Variants in CDC42 observed in about 807,000 individuals in gnomAD.
The protein encoded by CDC42 is cell division cycle 42.
In CDC42, 1 loss-of-function variant was observed where a neutral mutation model predicts 20.8. That is an observed-to-expected ratio of 0.05 (90% CI 0.02 to 0.23). The LOEUF (loss-of-function observed/expected upper bound fraction) is 0.23, where lower values mean the gene tolerates loss of function less well. CDC42 is among the 10% of genes least tolerant of loss of function. The pLI, the probability that CDC42 is intolerant of heterozygous loss-of-function variation, is 1.00. For synonymous variants in CDC42, 72 were observed against 84.8 expected (o/e 0.85, Z 0.83); for missense variants, 49 against 227.9 (o/e 0.21, Z 5.05).
In CDC42 at chr1:22,097,898, A is replaced by C. The variant is rs1472717034; in HGVS notation, c.*6381A>C. On this transcript the variant is annotated 3_prime_UTR_variant, in exon 6 of 6. Transcript: ENST00000656825. ...CTCATAGGTGATTTCCCCAAAAGCA[A>C]ATAAATGCTCGATGGATTTTGGGTC... 6.6e-6 allele frequency among the ~76,000 whole-genome samples: 1 copy of C among 152,258 alleles called. No individual in the cohort carries two copies. The highest frequency in any genetic ancestry group is 1.5e-5 in the Non-Finnish European group (1 of 68,050).
intron 5 of CDC42, among the ~76,000 whole-genome samples, chr1:22,087,107 A>C (rs1645668670): frequency 6.6e-6 from 1 of 152,178 alleles, no homozygotes; most frequent in African/African-American, 2.4e-5. Flanking sequence ...CGTAGTGGTC[A>C]GGGTTGTGTT....
In CDC42 at chr1:22,095,183, G is replaced by C. The variant is rs1330197717; in HGVS notation, c.*3666G>C. ...TTTATGTCACACTTGTTTTCTGTAA[G>C]TCTTACTCTGTATCTACCCGACTTC... is the stretch of plus-strand genomic sequence containing the variant. On this transcript the variant is annotated 3_prime_UTR_variant, in exon 6 of 6. Transcript: ENST00000656825. Among the ~76,000 whole-genome samples the C allele has an allele frequency of 6.6e-6, 1 of 152,130 alleles. No individual in the cohort carries two copies. Among genetic ancestry groups the C allele is most frequent in the East Asian group, 1.9e-4 (1 of 5,192 alleles).
In CDC42 at chr1:22,061,528, C is replaced by CTTTTTTTTTTTTTTTTTTTTTTTTTT. The variant is rs1404317396; in HGVS notation, c.-51+8789_-51+8790insTTTTTTTTTTTTTTTTTTTTTTTTTT. Among the ~76,000 whole-genome samples the CTTTTTTTTTTTTTTTTTTTTTTTTTT allele has an allele frequency of 4.6e-5, 4 of 86,306 alleles. 1 individual carries two copies. 56.6% of individuals were successfully genotyped at this position (86,306 alleles called of 152,430 possible). On this transcript the variant is annotated intron_variant, in intron 1 of 5. Transcript: ENST00000656825. Reference sequence around the variant, plus strand: ...GGTCAATCAGTTTAACTTCATGTTTCTTTCTTTTTTTTTTTTTTTTTTTTT... The same window carrying CTTTTTTTTTTTTTTTTTTTTTTTTTT: ...GGTCAATCAGTTTAACTTCATGTTTCTTTTTTTTTTTTTTTTTTTTTTTTTTTTTCTTTTTTTTTTTTTTTTTTTTT...
chr1:22,083,313 C>A (rs973028513), intron 3 of CDC42, among the ~76,000 whole-genome samples: 1 of 151,868 alleles, frequency 6.6e-6, no homozygotes, highest in East Asian at 1.9e-4. Context: ...CAATAAAAAT[C>A]ATTTTAAGGC....
At chr1:22,062,233 G>C (rs1645374213) in intron 1 of CDC42, among the ~76,000 whole-genome samples, 1 of 152,124 alleles carries the variant, frequency 6.6e-6, no homozygotes, top group Non-Finnish European at 1.5e-5. Context: ...TCCATGCCTG[G>C]CTGTTTGACC....
rs780350394 is a variant in CDC42 at position 22,097,311 on chromosome 1, C to T, written c.*5794C>T. ...TTACTCTGTCGCCCAGGCTGGAGTG[C>T]AGTGGCGTGATCTCGGCTTGCTGCA... is the stretch of plus-strand genomic sequence containing the variant. On this transcript the variant is annotated 3_prime_UTR_variant, in exon 6 of 6. Coordinates refer to ENST00000656825, the MANE Select transcript of CDC42 (RefSeq NM_001791.4). Among the ~76,000 whole-genome samples the T allele has an allele frequency of 6.6e-6, 1 of 152,214 alleles. No individual in the cohort carries two copies. Among genetic ancestry groups the T allele is most frequent in the Non-Finnish European group, 1.5e-5 (1 of 68,038 alleles).
chr1:22,084,360 T>A (rs978200687), intron 3 of CDC42, among the ~76,000 whole-genome samples: 2 of 137,776 alleles, frequency 1.5e-5, no homozygotes, highest in Non-Finnish European at 3.1e-5. Context: ...TTTTTTTTTT[T>A]AATTGTAGCC....
In CDC42 at chr1:22,063,466, A is replaced by T. The variant is rs115253705; in HGVS notation, c.-51+10724A>T. ...GTAGGCATTTAGATATCTTACTTAG[A>T]TAACTTTTGTAATAAGTTAATAGGA... On this transcript the variant is annotated intron_variant, in intron 1 of 5. Transcript: ENST00000656825. Among the ~76,000 whole-genome samples, 6 of 152,276 alleles carry T rather than the reference A, an allele frequency of 3.9e-5. No individual in the cohort carries two copies. The South Asian group carries it at 1.0e-3, about 26-fold the overall frequency.
chr1:22,072,186 C>T (rs1645500145), intron 1 of CDC42, among the ~76,000 whole-genome samples: 1 of 149,692 alleles, frequency 6.7e-6, no homozygotes, highest in Non-Finnish European at 1.5e-5. Flanking sequence ...CAAGCTCTGC[C>T]TCCCAGGTTC....
chr1:22,071,046 CTTT>C (rs10684040), intron 1 of CDC42, among the ~76,000 whole-genome samples: 1 of 125,304 alleles, frequency 8.0e-6, no homozygotes. Flanking sequence ...TTTTTTCTTT[CTTT>C]TTTTTTTTTT....
intron 1 of CDC42, among the ~76,000 whole-genome samples, chr1:22,074,742 A>T (rs905866661): frequency 6.6e-6 from 1 of 152,166 alleles, no homozygotes; most frequent in Non-Finnish European, 1.5e-5. Flanking sequence ...GGGCAAAACT[A>T]CAACAAATTT....
intron 1 of CDC42, among the ~76,000 whole-genome samples, chr1:22,055,437 A>G (rs1178674765): frequency 2.0e-5 from 3 of 151,906 alleles, no homozygotes; most frequent in African/African-American, 7.3e-5. Flanking sequence ...TTGGGAATCT[A>G]AGGCAGATGT....
At chr1:22,053,922 G>A (rs1645266627) in intron 1 of CDC42, among the ~76,000 whole-genome samples, 1 of 152,148 alleles carries the variant, frequency 6.6e-6, no homozygotes, top group African/African-American at 2.4e-5. Context: ...TTTAAATAGA[G>A]GTCCCTTTGA....
At position 22,098,852 on chromosome 1, in the gene CDC42, C is replaced by CA. The variant is rs1246587497; in HGVS notation, c.*7336dup. On this transcript the variant is annotated 3_prime_UTR_variant, in exon 6 of 6. Transcript: ENST00000656825. The stretch of plus-strand genomic sequence containing the variant: ...TGGGTCACTGCATCCTTGACCTCCC[C>CA]AGCTCAAGCGATCCTCCCGCCTCAG... 6.6e-6 allele frequency among the ~76,000 whole-genome samples: 1 copy of CA among 152,080 alleles called. No individual in the cohort carries two copies. The highest frequency in any genetic ancestry group is 2.4e-5 in the African/African-American group (1 of 41,408).
intron 1 of CDC42, among the ~76,000 whole-genome samples, chr1:22,063,060 T>A (rs1645384054): frequency 6.6e-6 from 1 of 152,208 alleles, no homozygotes; most frequent in African/African-American, 2.4e-5. Flanking sequence ...GAAGTGACTG[T>A]TCTGCTTAGC....
At position 22,054,903 on chromosome 1, in the gene CDC42, A is replaced by G. The variant is rs1569943483; in HGVS notation, c.-51+2161A>G. Among the ~76,000 whole-genome samples, 93 of 9,810 alleles carry G rather than the reference A, an allele frequency of 9.5e-3. 1 individual carries two copies. The highest frequency in any genetic ancestry group is 0.019 in the African/African-American group (93 of 4,912). 6.4% of individuals were successfully genotyped at this position (9,810 alleles called of 152,430 possible). A position where few individuals can be genotyped will look rare whatever the true frequency, so the allele number is the denominator to read the frequency against. ...AGTTTGAATTTATGTATATATATAT[A>G]TATATATATATATATATATTTTTTT... On this transcript the variant is annotated intron_variant, in intron 1 of 5. Coordinates refer to ENST00000656825, the MANE Select transcript of CDC42 (RefSeq NM_001791.4).
Position 22,062,730 on chromosome 1 carries a change from TAAAAAAAAAAA to T in CDC42, c.-51+10013_-51+10023del, listed in dbSNP as rs531472151. 1.3e-3 allele frequency among the ~76,000 whole-genome samples: 93 copies of T among 69,418 alleles called. 1 individual carries two copies. Among genetic ancestry groups the T allele is most frequent in the Middle Eastern group, 0.014 (1 of 72 alleles). 45.5% of individuals were successfully genotyped at this position (69,418 alleles called of 152,430 possible). On this transcript the variant is annotated intron_variant, in intron 1 of 5. Transcript: ENST00000656825. ...AACATAGTGAGACCGTGGCTCTATT[TAAAAAAAAAAA>T]AAAAAAAAAAAAAAAAAAAAAAAAG...
rs1364427984 is a variant in CDC42 at position 22,073,142 on chromosome 1, AG to A, written c.-50-5284del. ...AGCCAATCATAATGATACCATAGAG[AG>A]GGTTCCATAACCTTTTAAAATCTGT... is the stretch of plus-strand genomic sequence containing the variant. On this transcript the variant is annotated intron_variant, in intron 1 of 5. Transcript: ENST00000656825. Among the ~76,000 whole-genome samples, 3 of 152,248 alleles carry A rather than the reference AG, an allele frequency of 2.0e-5. No homozygotes were observed. The East Asian group carries it at 5.8e-4, about 29-fold the overall frequency.
chr1:22,088,786 T>C (rs1421940935), intron 5 of CDC42, among the ~76,000 whole-genome samples: 3 of 152,262 alleles, frequency 2.0e-5, no homozygotes. Flanking sequence ...TTTTATATTT[T>C]ACTGCCAGAG....
Sources: allele counts gnomAD v4.1 joint callset (sites outside exome capture counted in the v4.1 genomes callset), GRCh38; gene constraint gnomAD v4.1.1; transcripts MANE v1.5; gene names NCBI Gene and HGNC (gene_info 2026-07-23, HGNC 2026-07-21).